The following ZBTB10 variants were observed in gnomAD, a reference collection of about 807,000 sequenced individuals.
The protein encoded by ZBTB10 is zinc finger and BTB domain containing 10, also known as zinc finger and BTB domain-containing protein 10.
A neutral mutation model predicts 76.4 loss-of-function variants in ZBTB10; 32 were observed. The observed-to-expected ratio is 0.42, with a 90% CI of 0.32 to 0.56. ZBTB10 has a LOEUF of 0.56. Ranked by LOEUF, ZBTB10 falls within the 20% of genes least tolerant of loss-of-function variation. The pLI is 0.14. For missense variants in ZBTB10, 1,057 were observed against 1,098.5 expected, an observed-to-expected ratio of 0.96 and a Z score of 0.53; for synonymous variants, 523 against 432.9, an observed-to-expected ratio of 1.21 and a Z score of -2.58.
chr8:80,485,644 G>A, upstream of ZBTB10: 1 of 625,300 alleles, frequency 1.6e-6, no homozygotes, highest in Non-Finnish European at 2.6e-6. Flanking sequence ...CGGGGCCCGA[G>A]GTGCTGCCTC....
In ZBTB10 at chr8:80,494,490, C is replaced by T. The variant is rs1815730379; in HGVS notation, c.973-5004C>T. ...TGATGACCCTATGATTCTCTCCCTC[C>T]ACCCTTTACATCTGTTTTATCATGC... On this transcript the variant is annotated intron_variant, in intron 1 of 5. Coordinates refer to ENST00000455036, the MANE Select transcript of ZBTB10 (RefSeq NM_001105539.3). 1.3e-5 allele frequency among the ~76,000 whole-genome samples: 2 copies of T among 152,186 alleles called. 1 individual carries two copies. The highest frequency in any genetic ancestry group is 4.1e-4 in the South Asian group (2 of 4,824).
intron 2 of ZBTB10, among the ~76,000 whole-genome samples, chr8:80,501,348 G>A (rs1383483213): frequency 2.6e-5 from 4 of 152,174 alleles, no homozygotes; most frequent in Admixed American, 6.5e-5. Context: ...TTTTTAAAAC[G>A]AGAAGACCAT....
Position 80,487,344 on chromosome 8 carries a change from G to A in ZBTB10, c.534G>A (p.Ala178=). The change falls in exon 1 of 6, where the codon GCG becomes GCA. Residue 178 remains alanine (A), a synonymous_variant. Coordinates refer to ENST00000455036, the MANE Select transcript of ZBTB10 (RefSeq NM_001105539.3). Reference sequence around the variant, plus strand: ...GGAAGGAGTTGATGCAGGACGGCGCGTCCCTGAGCGACAGCACCGAGGACG... The same window carrying A: ...GGAAGGAGTTGATGCAGGACGGCGCATCCCTGAGCGACAGCACCGAGGACG... ...LEGKELMQDG[A]SLSDSTEDEE... 2 of 1,530,532 alleles carry A rather than the reference G, an allele frequency of 1.3e-6. No homozygotes were observed. The highest frequency in any genetic ancestry group is 8.8e-7 in the Non-Finnish European group (1 of 1,135,870). The allele number at this position is 1,530,532 out of a possible 1,614,324, so 94.8% of individuals were successfully genotyped here. A position where few individuals can be genotyped will look rare whatever the true frequency, so the allele number is the denominator to read the frequency against.
rs1009988379 is a variant in ZBTB10, at chr8:80,523,017, G to A, written c.*3489G>A. The stretch of plus-strand genomic sequence containing the variant: ...GTTTAGATTCATTTTTCTGAAAAAC[G>A]ATTAAAAAAACTACCAATTTTTTTT... On this transcript the variant is annotated 3_prime_UTR_variant, in exon 6 of 6. Coordinates refer to ENST00000455036, the MANE Select transcript of ZBTB10 (RefSeq NM_001105539.3). 4 of 151,496 alleles carry A rather than the reference G, an allele frequency of 2.6e-5. No individual in the cohort carries two copies. The highest frequency in any genetic ancestry group is 2.1e-4 in the South Asian group (1 of 4,804). 9.4% of individuals were successfully genotyped at this position (151,496 alleles called of 1,614,324 possible).
chr8:80,520,943 T>G lies in ZBTB10; in HGVS notation c.*1415T>G, dbSNP rs1383199535. Reference sequence around the variant, plus strand: ...TAGCATATTGTATATTATATAAGATTGAGGGATGTCATATTTTCAGCTTTC... The same window carrying G: ...TAGCATATTGTATATTATATAAGATGGAGGGATGTCATATTTTCAGCTTTC... On this transcript the variant is annotated 3_prime_UTR_variant, in exon 6 of 6. Coordinates refer to ENST00000455036, the MANE Select transcript of ZBTB10 (RefSeq NM_001105539.3). The G allele has an allele frequency of 1.3e-5, 2 of 151,936 alleles. No homozygotes were observed. Among genetic ancestry groups the G allele is most frequent in the Non-Finnish European group, 2.9e-5 (2 of 67,836 alleles). 9.4% of individuals were successfully genotyped at this position (151,936 alleles called of 1,614,324 possible). A position where few individuals can be genotyped will look rare whatever the true frequency, so the allele number is the denominator to read the frequency against.
Position 80,519,284 on chromosome 8 carries a change from C to T in ZBTB10, c.2372C>T (p.Ala791Val). The T allele has an allele frequency of 6.2e-7, 1 of 1,613,708 alleles. No homozygotes were observed. The highest frequency in any genetic ancestry group is 1.7e-4 in the Middle Eastern group (1 of 6,056). ...MVCKKIFMLA[A>V]SVGIRHGSRR... ...TGTAAGAAGATCTTCATGTTAGCAG[C>T]CAGTGTTGGAATAAGACATGGATCT... The change falls in exon 6 of 6, where the codon GCC becomes GTC. Residue 791 changes from alanine to valine, a missense_variant. Physicochemically the swap from Ala to Val is moderately conservative, Grantham distance 64 (BLOSUM62 0). Around this residue, in one of 5 missense-constraint regions of ZBTB10, gnomAD observed 54 missense variants for 138.1 expected, o/e 0.39. Transcript: ENST00000455036.
intron 2 of ZBTB10, among the ~76,000 whole-genome samples, chr8:80,513,406 G>A (rs557346221): frequency 6.6e-6 from 1 of 152,186 alleles, no homozygotes; most frequent in Non-Finnish European, 1.5e-5. Flanking sequence ...GCTTCCTAAA[G>A]TGCTGGGATT....
rs1816412235 is a variant in ZBTB10 at position 80,519,719 on chromosome 8, A to C, written c.*191A>C. 3.8e-6 allele frequency: 2 copies of C among 529,532 alleles called. No homozygotes were observed. Among genetic ancestry groups the C allele is most frequent in the Non-Finnish European group, 6.6e-6 (2 of 302,316 alleles). 32.8% of individuals were successfully genotyped at this position (529,532 alleles called of 1,614,324 possible). A position where few individuals can be genotyped will look rare whatever the true frequency, so the allele number is the denominator to read the frequency against. ...ATATTTGCACAGGACTATACAGCAA[A>C]CAACCATGTGGTTGGATTACATGGA... On this transcript the variant is annotated 3_prime_UTR_variant, in exon 6 of 6. Transcript: ENST00000455036.
In ZBTB10 at chr8:80,493,203, GCGCGCACA is replaced by G. The variant is rs1226395799; in HGVS notation, c.972+5423_972+5430del. ...AGACTGTGCCTCAAAACGCGCGCGC[GCGCGCACA>G]CACACACACACACACACACACACAC... is the stretch of plus-strand genomic sequence containing the variant. On this transcript the variant is annotated intron_variant, in intron 1 of 5. Coordinates refer to ENST00000455036, the MANE Select transcript of ZBTB10 (RefSeq NM_001105539.3). 1.4e-3 allele frequency among the ~76,000 whole-genome samples: 146 copies of G among 107,820 alleles called. 1 individual carries two copies. Among genetic ancestry groups the G allele is most frequent in the East Asian group, 6.7e-3 (25 of 3,730 alleles). 70.7% of individuals were successfully genotyped at this position (107,820 alleles called of 152,430 possible). A position where few individuals can be genotyped will look rare whatever the true frequency, so the allele number is the denominator to read the frequency against.
intron 1 of ZBTB10, among the ~76,000 whole-genome samples, chr8:80,495,821 C>G (rs952284819): frequency 6.6e-6 from 1 of 152,088 alleles, no homozygotes; most frequent in African/African-American, 2.4e-5. Flanking sequence ...GGACACTTAC[C>G]TATATTTTCT....
rs1444664014 is a variant in ZBTB10 at position 80,524,262 on chromosome 8, G to A, written c.*4734G>A. 6.6e-6 allele frequency: 1 copy of A among 152,002 alleles called. No homozygotes were observed. Among genetic ancestry groups the A allele is most frequent in the Non-Finnish European group, 1.5e-5 (1 of 67,904 alleles). The allele number at this position is 152,002 out of a possible 1,614,324, so 9.4% of individuals were successfully genotyped here. A position where few individuals can be genotyped will look rare whatever the true frequency, so the allele number is the denominator to read the frequency against. Reference sequence around the variant, plus strand: ...TTTATTTGTATGTTTTTATATGAAAGTACATAAATGACAGACTACCTCCAA... The same window carrying A: ...TTTATTTGTATGTTTTTATATGAAAATACATAAATGACAGACTACCTCCAA... On this transcript the variant is annotated 3_prime_UTR_variant, in exon 6 of 6. Coordinates refer to ENST00000455036, the MANE Select transcript of ZBTB10 (RefSeq NM_001105539.3).
At chr8:80,489,133 G>A (rs1224454798) in intron 1 of ZBTB10, among the ~76,000 whole-genome samples, 1 of 152,304 alleles carries the variant, frequency 6.6e-6, no homozygotes, top group East Asian at 1.9e-4. Flanking sequence ...TGAGACTAGA[G>A]CCTGTAAGGA....
chr8:80,513,785 C>T (rs565695034), intron 2 of ZBTB10, 125 bp from the exon 3 acceptor site: 6 of 725,196 alleles, frequency 8.3e-6, no homozygotes, highest in South Asian at 3.3e-5. Flanking sequence ...GTATTGAACA[C>T]AGTAGATAAT....
In ZBTB10 at chr8:80,487,271, A is replaced by G. The variant is rs549797718; in HGVS notation, c.461A>G (p.Asn154Ser). Reference protein sequence around the residue: ...ETSVWPLRHFNGRGPATVDLE... With the variant: ...ETSVWPLRHFSGRGPATVDLE... ...TCGGTGTGGCCCTTGAGGCATTTCA[A>G]TGGGCGAGGGCCGGCGACTGTGGAT... Residue 154 changes from asparagine to serine, a missense_variant, in exon 1 of 6, where the codon AAT becomes AGT. Asn to Ser is a conservative substitution (Grantham distance 46). Around this residue, in one of 5 missense-constraint regions of ZBTB10, gnomAD observed 556 missense variants for 451.7 expected, o/e 1.23. Transcript: ENST00000455036. The G allele has an allele frequency of 6.1e-5, 94 of 1,552,004 alleles. No individual in the cohort carries two copies. In the South Asian group the frequency reaches 7.2e-4, roughly 12 times the overall value.
At chr8:80,504,077 T>G (rs1160023848) in intron 2 of ZBTB10, among the ~76,000 whole-genome samples, 1 of 152,204 alleles carries the variant, frequency 6.6e-6, no homozygotes, top group Non-Finnish European at 1.5e-5. Flanking sequence ...TATTTAGGAC[T>G]ATGCTGCATG....
upstream of ZBTB10, chr8:80,485,950 C>T: frequency 6.8e-7 from 1 of 1,468,322 alleles, no homozygotes; most frequent in Non-Finnish European, 9.1e-7. Context: ...TCCGCGTAGC[C>T]CGGCCCCGGC....
chr8:80,503,939 GTGA>G (rs1815987423), intron 2 of ZBTB10, among the ~76,000 whole-genome samples: 1 of 152,112 alleles, frequency 6.6e-6, no homozygotes, highest in South Asian at 2.1e-4. Flanking sequence ...TGCCCATCTT[GTGA>G]TGAATACACA....
At chr8:80,490,908 G>A (rs752227366) in intron 1 of ZBTB10, among the ~76,000 whole-genome samples, 2 of 152,230 alleles carry the variant, frequency 1.3e-5, no homozygotes, top group African/African-American at 4.8e-5. Flanking sequence ...AATTACTATC[G>A]CCTGGTGATA....
At chr8:80,485,725 T>A, upstream of ZBTB10, 1 of 1,482,982 alleles carries the variant, frequency 6.7e-7, no homozygotes, top group Non-Finnish European at 9.0e-7. Context: ...CCTGGTCCAG[T>A]CTTTGTGAAG....
Sources: gnomAD v4.1 joint callset for allele counts (sites outside exome capture counted in the v4.1 genomes callset) on GRCh38, gnomAD v4.1.1 for gene constraint, gnomAD v4.1.1 regional missense constraint, MANE v1.5 for transcripts, NCBI Gene and HGNC (gene_info 2026-07-23, HGNC 2026-07-21) for gene names.